ODC1: variants seen among roughly 807,000 people sequenced by gnomAD.
ODC1 encodes the protein ornithine decarboxylase.
A neutral mutation model predicts 41.5 loss-of-function variants in ODC1; 18 were observed. That is an observed-to-expected ratio of 0.43 (90% CI 0.30 to 0.64). ODC1 has a LOEUF of 0.64. ODC1 is among the 30% of genes least tolerant of loss of function. The probability of loss-of-function intolerance (pLI) is 0.11; values close to 1 mark genes in which losing one functional copy is unlikely to be tolerated. For synonymous variants in ODC1, 218 were observed against 211.6 expected, an observed-to-expected ratio of 1.03 and a Z score of -0.26; for missense variants, 504 against 589.0, an observed-to-expected ratio of 0.86 and a Z score of 1.49.
chr2:10,448,302 C>T lies in ODC1; in HGVS notation c.-309G>A, dbSNP rs1672108548. On this transcript the variant is annotated 5_prime_UTR_variant, in exon 1 of 12. Coordinates refer to ENST00000234111, the MANE Select transcript of ODC1 (RefSeq NM_002539.3). ...CTGGCAGAGGGGCGGCGGGCGGCGG[C>T]GGCGGCGGCTACAGGAGGGACTGAC... 7.9e-6 allele frequency: 2 copies of T among 251,862 alleles called. No individual in the cohort carries two copies. Among genetic ancestry groups the T allele is most frequent in the Non-Finnish European group, 1.5e-5 (2 of 132,532 alleles). 15.6% of individuals were successfully genotyped at this position (251,862 alleles called of 1,614,324 possible). A position where few individuals can be genotyped will look rare whatever the true frequency, so the allele number is the denominator to read the frequency against.
At chr2:10,442,309 A>G in intron 8 of ODC1, 135 bp from the exon 9 acceptor site, 1 of 911,132 alleles carries the variant, frequency 1.1e-6, no homozygotes, top group Non-Finnish European at 1.6e-6. Flanking sequence ...TAAAGTAACA[A>G]AAGCAAAAAA....
rs185441020 is a variant in ODC1, at chr2:10,443,785, A to C, written c.501T>G (p.Ser167Arg). Residue 167 changes from serine (S) to arginine (R), a missense_variant, in exon 6 of 12, where the codon AGT becomes AGG. Ser to Arg is a moderately radical substitution (Grantham distance 110, BLOSUM62 -1). Coordinates refer to ENST00000234111, the MANE Select transcript of ODC1 (RefSeq NM_002539.3). ...TTCTGAGCGTGGCACCGAATTTCAC[A>C]CTGAGACGACAGACTGCTTTGGAAT... ...TDDSKAVCRL[S>R]VKFGATLRTS... 6.2e-7 allele frequency: 1 copy of C among 1,614,200 alleles called. No homozygotes were observed. Among genetic ancestry groups the C allele is most frequent in the Non-Finnish European group, 8.5e-7 (1 of 1,180,032 alleles).
intron 4 of ODC1, 39 bp downstream of exon 4, chr2:10,444,435 T>C: frequency 6.4e-7 from 1 of 1,565,500 alleles, no homozygotes; most frequent in Non-Finnish European, 8.6e-7. Context: ...ACCAGGCCCA[T>C]TTTATACAAC....
At chr2:10,445,073 A>G in intron 2 of ODC1, 24 bp from the exon 3 acceptor site, 1 of 1,268,738 alleles carries the variant, frequency 7.9e-7, no homozygotes, top group Non-Finnish European at 1.2e-6. Context: ...AAATGCAAAT[A>G]GAGTGGAGAA....
At chr2:10,441,167 C>G (rs899252016) in intron 11 of ODC1, among the ~76,000 whole-genome samples, 4 of 152,058 alleles carry the variant, frequency 2.6e-5, no homozygotes, top group Admixed American at 2.6e-4. Flanking sequence ...TGCCCAGGCT[C>G]GAACTCCTGG....
chr2:10,442,472 T>C (rs1408297614), intron 8 of ODC1, among the ~76,000 whole-genome samples: 2 of 152,186 alleles, frequency 1.3e-5, no homozygotes, highest in African/African-American at 4.8e-5. Flanking sequence ...CATCAAGATG[T>C]CAAAACATTT....
Position 10,443,890 on chromosome 2 carries a change from C to T in ODC1, c.450-54G>A. 2.5e-6 allele frequency: 4 copies of T among 1,599,622 alleles called. No individual in the cohort carries two copies. In the South Asian group the frequency reaches 4.4e-5, roughly 18 times the overall value. ...CTCATGATAGATGTTCACTTATAGC[C>T]ACAATTAAAATAAAAACAATCCTGT... On this transcript the variant is annotated intron_variant, in intron 5 of 11. Coordinates refer to ENST00000234111, the MANE Select transcript of ODC1 (RefSeq NM_002539.3).
Position 10,444,503 on chromosome 2 carries a change from TAGC to T in ODC1, c.244_246del (p.Ala82del). Reference sequence around the variant, plus strand: ...CTAGCACAGTCAAATCCTGTCCCGGTAGCAGCAAGGGTCTTCACGATGGCTTTG... The same window carrying T: ...CTAGCACAGTCAAATCCTGTCCCGGTAGCAAGGGTCTTCACGATGGCTTTG... On this transcript the variant is annotated inframe_deletion, in exon 4 of 12. Transcript: ENST00000234111. 6.2e-7 allele frequency: 1 copy of T among 1,613,270 alleles called. No individual in the cohort carries two copies. Among genetic ancestry groups the T allele is most frequent in the East Asian group, 2.2e-5 (1 of 44,880 alleles).
intron 8 of ODC1, 140 bp downstream of exon 8, chr2:10,443,089 AG>A (rs1671885283): frequency 1.5e-6 from 1 of 684,724 alleles, no homozygotes; most frequent in Admixed American, 2.9e-5. Flanking sequence ...AATGTCAGAC[AG>A]CACAAAGAAA....
At chr2:10,442,906 TCTCA>T (rs1417584265) in intron 8 of ODC1, among the ~76,000 whole-genome samples, 40 of 151,952 alleles carry the variant, frequency 2.6e-4, no homozygotes, top group African/African-American at 9.7e-4. Context: ...AGAGATGGGG[TCTCA>T]CTGTGTTGCC....
Position 10,445,185 on chromosome 2 carries a change from A to G in ODC1, c.-48T>C, listed in dbSNP as rs2302614. The G allele has an allele frequency of 3.5e-6, 2 of 575,150 alleles. No individual in the cohort carries two copies. The highest frequency in any genetic ancestry group is 3.1e-6 in the Non-Finnish European group (1 of 323,142). The allele number at this position is 575,150 out of a possible 1,614,324, so 35.6% of individuals were successfully genotyped here. The stretch of plus-strand genomic sequence containing the variant: ...AAACTAAGAGATGGAATTGAAAGAA[A>G]TATTTCCAGCTTCTCACAAAGGCAA... On this transcript the variant is annotated 5_prime_UTR_variant, in exon 2 of 12. Coordinates refer to ENST00000234111, the MANE Select transcript of ODC1 (RefSeq NM_002539.3).
Position 10,443,798 on chromosome 2 carries a change from A to C in ODC1, c.488T>G (p.Val163Gly). 6.2e-7 allele frequency: 1 copy of C among 1,614,232 alleles called. No homozygotes were observed. Among genetic ancestry groups the C allele is most frequent in the Non-Finnish European group, 8.5e-7 (1 of 1,180,042 alleles). The change falls in exon 6 of 12, where the codon GTC becomes GGC. Residue 163 changes from valine to glycine, a missense_variant. By Grantham distance (109) the Val-to-Gly change is moderately radical. This residue lies in a region of ODC1 where 447 missense variants were observed against 524.4 expected (regional missense o/e 0.85). Coordinates refer to ENST00000234111, the MANE Select transcript of ODC1 (RefSeq NM_002539.3). Reference protein sequence around the residue: ...LRIATDDSKAVCRLSVKFGAT... With the variant: ...LRIATDDSKAGCRLSVKFGAT... ...ACCGAATTTCACACTGAGACGACAG[A>C]CTGCTTTGGAATCATCAGTGGCAAT...
At chr2:10,447,171 TTAAG>T (rs1489343923) in intron 1 of ODC1, among the ~76,000 whole-genome samples, 2 of 152,248 alleles carry the variant, frequency 1.3e-5, no homozygotes, top group Non-Finnish European at 2.9e-5. Context: ...AAGGCGTTAC[TTAAG>T]TAACTTACTT....
rs904074445 is a variant in ODC1, at chr2:10,445,654, GA to G, written c.-127-391del. Among the ~76,000 whole-genome samples the G allele has an allele frequency of 2.2e-4, 34 of 151,610 alleles. 1 individual carries two copies. Among genetic ancestry groups the G allele is most frequent in the Admixed American group, 4.6e-4 (7 of 15,226 alleles). ...CATTATAGACTTTTTTATTTTTTTT[GA>G]GACAGAGTCTCACGCTGTCACCCAG... On this transcript the variant is annotated intron_variant, in intron 1 of 11. Transcript: ENST00000234111.
In ODC1 at chr2:10,442,242, C is replaced by T. The variant is rs186920569; in HGVS notation, c.751-68G>A. The T allele has an allele frequency of 4.9e-5, 72 of 1,478,442 alleles. No individual in the cohort carries two copies. The African/African-American group carries it at 9.7e-4, about 20-fold the overall frequency. 91.6% of individuals were successfully genotyped at this position (1,478,442 alleles called of 1,614,324 possible). A position where few individuals can be genotyped will look rare whatever the true frequency, so the allele number is the denominator to read the frequency against. The stretch of plus-strand genomic sequence containing the variant: ...GGAAATTCACATGGGGGAGTAACAT[C>T]ACAGGGCCTTGTGACATGACATCAT... On this transcript the variant is annotated intron_variant, in intron 8 of 11. Transcript: ENST00000234111.
At position 10,443,599 on chromosome 2, in the gene ODC1, T is replaced by C. The variant is rs1386038901; in HGVS notation, c.585-28A>G. 4 of 1,609,012 alleles carry C rather than the reference T, an allele frequency of 2.5e-6. No homozygotes were observed. The South Asian group carries it at 3.3e-5, about 13-fold the overall frequency. On this transcript the variant is annotated intron_variant, in intron 6 of 11. Transcript: ENST00000234111. ...GGGGTAAAATAAAGAGACGAGACAC[T>C]GTGTCTTAGTATTTCTTAAAATAAT...
Position 10,440,751 on chromosome 2 carries a change from G to GGCT in ODC1, c.1356_1358dup (p.Ala453dup), listed in dbSNP as rs761321921. ...ACACATTAATACTAGCCGAAGCACA[G>GGCT]GCTGCTCTGTGGCGTTTCATCCCAC... On this transcript the variant is annotated inframe_insertion, in exon 12 of 12. Coordinates refer to ENST00000234111, the MANE Select transcript of ODC1 (RefSeq NM_002539.3). 13 of 1,614,010 alleles carry GGCT rather than the reference G, an allele frequency of 8.1e-6. No homozygotes were observed. In the East Asian group the frequency reaches 2.7e-4, roughly 33 times the overall value.
At chr2:10,445,801 A>T (rs919743306) in intron 1 of ODC1, among the ~76,000 whole-genome samples, 6 of 151,434 alleles carry the variant, frequency 4.0e-5, no homozygotes, top group Admixed American at 2.0e-4. Context: ...ATGCCCGGCT[A>T]ATTTTTGTGT....
In ODC1 at chr2:10,443,507, A is replaced by C. The variant is rs1212722918; in HGVS notation, c.649T>G (p.Cys217Gly). The stretch of plus-strand genomic sequence containing the variant: ...ATACTCACCCCCATGTCAAAAACAC[A>C]GCGGGCATCAGAGATTGCCTGCACG... Reference protein sequence around the residue: ...TFVQAISDARCVFDMGAEVGF... With the variant: ...TFVQAISDARGVFDMGAEVGF... Residue 217 changes from cysteine to glycine, a missense_variant, in exon 7 of 12, where the codon TGT becomes GGT. Transcript: ENST00000234111. 8 of 1,613,984 alleles carry C rather than the reference A, an allele frequency of 5.0e-6. No homozygotes were observed. In the East Asian group the frequency reaches 1.8e-4, roughly 36 times the overall value.
Sources: gnomAD v4.1 joint callset for allele counts (sites outside exome capture counted in the v4.1 genomes callset) on GRCh38, gnomAD v4.1.1 for gene constraint, gnomAD v4.1.1 regional missense constraint, MANE v1.5 for transcripts, NCBI Gene and HGNC (gene_info 2026-07-23, HGNC 2026-07-21) for gene names.